The following TXNRD1 variants were observed in gnomAD, a reference collection of about 807,000 sequenced individuals.
TXNRD1 encodes thioredoxin reductase 1, cytoplasmic.
TXNRD1 carries 57 observed loss-of-function variants against 80.3 expected under a neutral mutation model. That is an observed-to-expected ratio of 0.71 (90% confidence interval 0.57 to 0.89). The LOEUF (loss-of-function observed/expected upper bound fraction) is 0.89. TXNRD1 is among the 40% of genes least tolerant of loss of function. TXNRD1 has a pLI of 0.00. For missense variants in TXNRD1, 730 were observed against 803.0 expected (o/e 0.91, Z 1.10); for synonymous variants, 291 against 285.2 (o/e 1.02, Z -0.20).
intron 1 of TXNRD1, among the ~76,000 whole-genome samples, chr12:104,227,318 A>G (rs1427606972): frequency 1.3e-5 from 2 of 151,956 alleles, no homozygotes; most frequent in African/African-American, 4.8e-5. Flanking sequence ...CTCAAGTGCA[A>G]TGGTGTAATT....
At chr12:104,246,119 C>CAAAA (rs34505052) in intron 1 of TXNRD1, among the ~76,000 whole-genome samples, 8 of 82,860 alleles carry the variant, frequency 9.7e-5, no homozygotes, top group Admixed American at 4.7e-4. Flanking sequence ...GACTCTGTCT[C>CAAAA]AAAAAAAAAA....
In TXNRD1 at chr12:104,319,556, C is replaced by T. The variant is rs774873218; in HGVS notation, c.960C>T (p.Ile320=). 17 of 1,604,052 alleles carry T rather than the reference C, an allele frequency of 1.1e-5. No homozygotes were observed. The highest frequency in any genetic ancestry group is 1.4e-5 in the Non-Finnish European group (17 of 1,175,196). Residue 320 remains isoleucine (I), a synonymous_variant, in exon 9 of 17, where the codon ATC becomes ATT. Transcript: ENST00000525566. The part of the protein sequence containing the change: ...ATGERPRYLG[I]PGDKEYCISS... ...GTGAAAGACCACGTTACTTGGGCAT[C>T]CCTGGTGACAAAGAATACTGCATCA...
intron 1 of TXNRD1, among the ~76,000 whole-genome samples, chr12:104,233,153 T>G (rs540676254): frequency 3.9e-5 from 6 of 152,228 alleles, no homozygotes; most frequent in Admixed American, 1.3e-4. Flanking sequence ...TTGGTTAAAG[T>G]ACAAGGACAT....
intron 1 of TXNRD1, among the ~76,000 whole-genome samples, chr12:104,241,636 G>A (rs1326618071): frequency 6.6e-6 from 1 of 152,156 alleles, no homozygotes; most frequent in Non-Finnish European, 1.5e-5. Context: ...CCAAAGTGCT[G>A]GGTTTACAGG....
At chr12:104,217,890 A>C (rs1312600524) in intron 1 of TXNRD1, among the ~76,000 whole-genome samples, 1 of 151,874 alleles carries the variant, frequency 6.6e-6, no homozygotes, top group African/African-American at 2.4e-5. Flanking sequence ...TTCGAGTTTC[A>C]TCTGTATTGT....
intron 16 of TXNRD1, 73 bp downstream of exon 16, chr12:104,339,346 C>T: frequency 1.3e-6 from 2 of 1,589,010 alleles, no homozygotes; most frequent in South Asian, 1.1e-5. Flanking sequence ...CCAGCTTATA[C>T]ATGGCAGATG....
chr12:104,236,665 T>C (rs1040445473), intron 1 of TXNRD1, among the ~76,000 whole-genome samples: 2 of 151,794 alleles, frequency 1.3e-5, no homozygotes, highest in African/African-American at 4.8e-5. Context: ...GGTGCATGCC[T>C]GTAATCCCAG....
intron 3 of TXNRD1, chr12:104,287,286 A>G (rs2034002535): frequency 6.2e-7 from 1 of 1,613,966 alleles, no homozygotes; most frequent in Non-Finnish European, 8.5e-7. Context: ...TTCCAAACCC[A>G]GGCAGCTTCG....
At chr12:104,309,826 C>T (rs1352315672) in intron 4 of TXNRD1, 3 of 1,535,128 alleles carry the variant, frequency 2.0e-6, no homozygotes, top group Non-Finnish European at 1.7e-6. Flanking sequence ...GTTTACCAGC[C>T]TCTTGTGCTA....
intron 2 of TXNRD1, among the ~76,000 whole-genome samples, chr12:104,253,311 G>C (rs1454002642): frequency 6.6e-6 from 1 of 152,052 alleles, no homozygotes; most frequent in Non-Finnish European, 1.5e-5. Context: ...GCCACCTTAG[G>C]CTTCATCCCT....
chr12:104,238,428 T>A (rs1023836084), intron 1 of TXNRD1, among the ~76,000 whole-genome samples: 9 of 152,210 alleles, frequency 5.9e-5, no homozygotes, highest in African/African-American at 2.2e-4. Context: ...TTTTTGACTT[T>A]TGCTTGAAAT....
intron 3 of TXNRD1, among the ~76,000 whole-genome samples, chr12:104,268,405 G>A (rs368240776): frequency 9.9e-5 from 15 of 151,318 alleles, no homozygotes; most frequent in African/African-American, 3.4e-4. Context: ...GGCGCCTGTA[G>A]TCCCAGCTAC....
intron 3 of TXNRD1, among the ~76,000 whole-genome samples, chr12:104,281,610 G>A (rs1364052260): frequency 6.6e-6 from 1 of 151,632 alleles, no homozygotes; most frequent in African/African-American, 2.4e-5. Context: ...GTTTCACTGT[G>A]TTAGCCAGGC....
intron 3 of TXNRD1, among the ~76,000 whole-genome samples, chr12:104,275,524 C>T (rs1346785155): frequency 6.6e-6 from 1 of 151,950 alleles, no homozygotes; most frequent in Non-Finnish European, 1.5e-5. Context: ...GCTGGGATTA[C>T]AGGCATGCAC....
intron 1 of TXNRD1, among the ~76,000 whole-genome samples, chr12:104,244,998 G>A (rs1383861078): frequency 6.6e-6 from 1 of 152,164 alleles, no homozygotes; most frequent in Non-Finnish European, 1.5e-5. Context: ...GGCCTGTTTT[G>A]TTCCACTGGG....
At chr12:104,343,310 A>C (rs2036386229) in intron 16 of TXNRD1, among the ~76,000 whole-genome samples, 1 of 152,174 alleles carries the variant, frequency 6.6e-6, no homozygotes, top group Non-Finnish European at 1.5e-5. Flanking sequence ...AAAGCACCAC[A>C]TTGTGCAGCT....
intron 3 of TXNRD1, chr12:104,258,359 G>T: frequency 7.1e-6 from 2 of 279,816 alleles, no homozygotes; most frequent in Non-Finnish European, 1.3e-5. Flanking sequence ...TACAGTATTT[G>T]CTGGTTTTAT....
intron 4 of TXNRD1, among the ~76,000 whole-genome samples, chr12:104,307,501 C>G (rs1469725590): frequency 6.6e-6 from 1 of 152,216 alleles, no homozygotes; most frequent in Non-Finnish European, 1.5e-5. Context: ...CTTTCTTAAA[C>G]TCAGCCATTT....
At chr12:104,238,316 A>G (rs1338101099) in intron 1 of TXNRD1, among the ~76,000 whole-genome samples, 1 of 152,248 alleles carries the variant, frequency 6.6e-6, no homozygotes, top group Non-Finnish European at 1.5e-5. Context: ...ACATTGACAT[A>G]GAGAAAGAAT....
Sources: gnomAD v4.1 joint callset for allele counts (sites outside exome capture counted in the v4.1 genomes callset) on GRCh38, gnomAD v4.1.1 for gene constraint, MANE v1.5 for transcripts, NCBI Gene and HGNC (gene_info 2026-07-23, HGNC 2026-07-21) for gene names.